NHEJ1: variants seen among roughly 807,000 people sequenced by gnomAD.
NHEJ1 encodes non-homologous end joining factor 1.
In NHEJ1, 22 loss-of-function variants were observed where a neutral mutation model predicts 39.4. The ratio of observed to expected loss-of-function variants is 0.56; its 90% CI spans 0.40 to 0.80. The LOEUF is 0.80. NHEJ1 is among the 30% of genes least tolerant of loss of function. The probability of loss-of-function intolerance (pLI) is 0.00; values close to 1 mark genes in which losing one functional copy is unlikely to be tolerated. For missense variants in NHEJ1, 329 were observed against 357.1 expected (o/e 0.92, Z 0.63); for synonymous variants, 154 against 135.6 (o/e 1.14, Z -0.94).
At chr2:219,153,046 G>A (rs971146942) in intron 3 of NHEJ1, among the ~76,000 whole-genome samples, 4 of 151,910 alleles carry the variant, frequency 2.6e-5, no homozygotes, top group Non-Finnish European at 5.9e-5. Context: ...CAGGTGATCC[G>A]CCCGCCTCGG....
At chr2:219,153,896 A>T (rs1559204251) in intron 3 of NHEJ1, among the ~76,000 whole-genome samples, 1 of 152,202 alleles carries the variant, frequency 6.6e-6, no homozygotes. Context: ...TCTGAAAGAC[A>T]ATTTGGCATT....
intron 5 of NHEJ1, among the ~76,000 whole-genome samples, chr2:219,107,011 A>G (rs945118972): frequency 2.0e-5 from 3 of 152,194 alleles, no homozygotes; most frequent in Admixed American, 1.3e-4. Flanking sequence ...GTGGGCTTCA[A>G]TGGTGCCCAC....
intron 5 of NHEJ1, among the ~76,000 whole-genome samples, chr2:219,098,470 G>A (rs964800657): frequency 1.2e-4 from 19 of 152,182 alleles, no homozygotes; most frequent in African/African-American, 4.3e-4. Context: ...TTTAGACAGA[G>A]GCATGGCTAC....
intron 2 of NHEJ1, among the ~76,000 whole-genome samples, chr2:219,157,972 T>TTCTCTC (rs1164655700): frequency 7.6e-6 from 1 of 131,864 alleles, no homozygotes; most frequent in African/African-American, 3.0e-5. Flanking sequence ...CTAACTTTCT[T>TTCTCTC]TCTCTCTCTC....
intron 5 of NHEJ1, among the ~76,000 whole-genome samples, chr2:219,100,447 CA>C (rs56196554): frequency 2.6e-3 from 352 of 133,954 alleles, no homozygotes; most frequent in African/African-American, 5.3e-3. Flanking sequence ...TACTAAAATG[CA>C]AAAAAAAAAA....
At position 219,089,916 on chromosome 2, in the gene NHEJ1, T is replaced by C. The variant is rs577413259; in HGVS notation, c.589-11710A>G. ...ACTTTAAGGCAGTCAGTGGAGCAGATACCTACCAGTGGCTGAGAGACTGGA... is the reference window on the plus strand; with the variant it reads ...ACTTTAAGGCAGTCAGTGGAGCAGACACCTACCAGTGGCTGAGAGACTGGA... On this transcript the variant is annotated intron_variant, in intron 5 of 7. Coordinates refer to ENST00000356853, the MANE Select transcript of NHEJ1 (RefSeq NM_024782.3). 3.9e-4 allele frequency among the ~76,000 whole-genome samples: 59 copies of C among 152,338 alleles called. 1 individual carries two copies. The highest frequency in any genetic ancestry group is 1.0e-3 in the South Asian group (5 of 4,824).
At chr2:219,126,423 A>C (rs1261497502) in intron 5 of NHEJ1, among the ~76,000 whole-genome samples, 1 of 152,232 alleles carries the variant, frequency 6.6e-6, no homozygotes, top group Non-Finnish European at 1.5e-5. Flanking sequence ...CCTCAAAATA[A>C]TAATTATGTC....
intron 5 of NHEJ1, among the ~76,000 whole-genome samples, chr2:219,097,087 C>T (rs1043032692): frequency 1.1e-4 from 16 of 152,232 alleles, no homozygotes; most frequent in African/African-American, 3.4e-4. Flanking sequence ...ATAAAATAGG[C>T]TTTGTGTTAG....
chr2:219,085,330 T>C (rs995900549), intron 5 of NHEJ1, among the ~76,000 whole-genome samples: 1 of 152,184 alleles, frequency 6.6e-6, no homozygotes, highest in African/African-American at 2.4e-5. Flanking sequence ...TCAGGCAATA[T>C]CCAACCTGAT....
At chr2:219,084,195 T>TG (rs1385461256) in intron 5 of NHEJ1, among the ~76,000 whole-genome samples, 1 of 151,952 alleles carries the variant, frequency 6.6e-6, no homozygotes, top group Non-Finnish European at 1.5e-5. Flanking sequence ...TTAGTAGAGA[T>TG]GGGGCTGCAC....
At chr2:219,154,373 G>A (rs964214187) in intron 3 of NHEJ1, among the ~76,000 whole-genome samples, 2 of 152,160 alleles carry the variant, frequency 1.3e-5, no homozygotes, top group African/African-American at 2.4e-5. Flanking sequence ...TAGTTGCTTT[G>A]CAAAAGGAAA....
chr2:219,071,862 C>T lies in NHEJ1; in HGVS notation c.*4519G>A, dbSNP rs933937327. On this transcript the variant is annotated 3_prime_UTR_variant, in exon 8 of 8. Coordinates refer to ENST00000356853, the MANE Select transcript of NHEJ1 (RefSeq NM_024782.3). ...GAAGGATAGCAAAATCTGTTGGGCT[C>T]CAAATAGAGAAACTGAGTGGGGTGG... is the stretch of plus-strand genomic sequence containing the variant. Among the ~76,000 whole-genome samples, 3 of 152,106 alleles carry T rather than the reference C, an allele frequency of 2.0e-5. No individual in the cohort carries two copies. Among genetic ancestry groups the T allele is most frequent in the Admixed American group, 1.3e-4 (2 of 15,264 alleles).
Position 219,158,357 on chromosome 2 carries a change from T to C in NHEJ1, c.6A>G (p.Glu2=), listed in dbSNP as rs369307494. 6.2e-6 allele frequency: 10 copies of C among 1,613,960 alleles called. No individual in the cohort carries two copies. In the African/African-American group the frequency reaches 1.1e-4, roughly 17 times the overall value. Reference sequence around the variant, plus strand: ...GCATCAACAGGCCTTGCTCCAGTTCTTCCATCTGCAAAAAAGTCCTCATTT... The same window carrying C: ...GCATCAACAGGCCTTGCTCCAGTTCCTCCATCTGCAAAAAAGTCCTCATTT... M[E]ELEQGLLMQP... Residue 2 remains glutamate, a synonymous_variant, in exon 2 of 8, where the codon GAA becomes GAG. Transcript: ENST00000356853.
intron 5 of NHEJ1, among the ~76,000 whole-genome samples, chr2:219,089,040 C>T (rs1332877515): frequency 1.3e-5 from 2 of 152,050 alleles, no homozygotes; most frequent in Non-Finnish European, 2.9e-5. Context: ...AGGATGGTCT[C>T]GATCTCCTGA....
At position 219,132,865 on chromosome 2, in the gene NHEJ1, A is replaced by T. The variant is rs187962003; in HGVS notation, c.588+13815T>A. On this transcript the variant is annotated intron_variant, in intron 5 of 7. Transcript: ENST00000356853. ...ATTATGTATTTAGAATATTCTTTGTAGATATGTAAATTCCAGCAGTTTAAT... is the reference window on the plus strand; with the variant it reads ...ATTATGTATTTAGAATATTCTTTGTTGATATGTAAATTCCAGCAGTTTAAT... 1.1e-4 allele frequency among the ~76,000 whole-genome samples: 16 copies of T among 152,328 alleles called. No homozygotes were observed. In the East Asian group the frequency reaches 2.7e-3, roughly 26 times the overall value.
In NHEJ1 at chr2:219,158,260, C is replaced by A; in HGVS notation, c.103G>T (p.Ala35Ser). 1 of 1,614,222 alleles carries A rather than the reference C, an allele frequency of 6.2e-7. No individual in the cohort carries two copies. The highest frequency in any genetic ancestry group is 1.1e-5 in the South Asian group (1 of 91,084). ...TGTTGAAGATCTGAAACCAACAAGGCATAGCCCTGCTTGGTGATAAAAACC... is the reference window on the plus strand; with the variant it reads ...TGTTGAAGATCTGAAACCAACAAGGAATAGCCCTGCTTGGTGATAAAAACC... Reference protein sequence around the residue: ...AKVFITKQGYALLVSDLQQVW... With the variant: ...AKVFITKQGYSLLVSDLQQVW... The change falls in exon 2 of 8, where the codon GCC becomes TCC. Residue 35 changes from alanine (A) to serine (S), a missense_variant. Coordinates refer to ENST00000356853, the MANE Select transcript of NHEJ1 (RefSeq NM_024782.3).
At chr2:219,083,195 G>A (rs1949081516) in intron 5 of NHEJ1, among the ~76,000 whole-genome samples, 1 of 152,144 alleles carries the variant, frequency 6.6e-6, no homozygotes, top group South Asian at 2.1e-4. Flanking sequence ...ACATTCTAGA[G>A]GGGAGATCAC....
intron 1 of NHEJ1, among the ~76,000 whole-genome samples, 155 bp from the exon 2 acceptor site, chr2:219,158,517 T>A (rs576260426): frequency 6.6e-6 from 1 of 152,094 alleles, no homozygotes; most frequent in South Asian, 2.1e-4. Flanking sequence ...TACAACCAGC[T>A]GAGCACTGAC....
At chr2:219,080,628 AAT>A (rs1186944473) in intron 5 of NHEJ1, among the ~76,000 whole-genome samples, 3 of 142,422 alleles carry the variant, frequency 2.1e-5, no homozygotes, top group Non-Finnish European at 4.5e-5. Flanking sequence ...TATATATGCT[AAT>A]ATATATAAGC....
Sources: allele counts gnomAD v4.1 joint callset (sites outside exome capture counted in the v4.1 genomes callset), GRCh38; gene constraint gnomAD v4.1.1; transcripts MANE v1.5; gene names NCBI Gene and HGNC (gene_info 2026-07-23, HGNC 2026-07-21).